ERC2: variants seen among roughly 807,000 people sequenced by gnomAD.
ERC2 encodes the protein ELKS/RAB6-interacting/CAST family member 2.
Under a neutral mutation model 114.8 loss-of-function variants are expected in ERC2, and 42 were observed. The observed-to-expected ratio is 0.37, with a 90% CI of 0.29 to 0.47. The LOEUF is 0.47. Among genes scored for constraint, ERC2 ranks in the 20% least tolerant of loss-of-function variants. The pLI, the probability that ERC2 is intolerant of heterozygous loss-of-function variation, is 0.99. For missense variants in ERC2, 939 were observed against 1,150.7 expected, an observed-to-expected ratio of 0.82 and a Z score of 2.66; for synonymous variants, 454 against 425.5, an observed-to-expected ratio of 1.07 and a Z score of -0.82.
At position 56,040,594 on chromosome 3, in the gene ERC2, T is replaced by G. The variant is rs1393083971; in HGVS notation, c.1642-21563A>C. On this transcript the variant is annotated intron_variant, in intron 7 of 17. Coordinates refer to ENST00000288221, the MANE Select transcript of ERC2 (RefSeq NM_015576.3). ...ATATATGTATACATATACATATATA[T>G]CTATATATGTATATATAATATATAG... is the stretch of plus-strand genomic sequence containing the variant. Among the ~76,000 whole-genome samples the G allele has an allele frequency of 4.5e-3, 12 of 2,676 alleles. No homozygotes were observed. The South Asian group carries it at 0.098, about 22-fold the overall frequency. The allele number at this position is 2,676 out of a possible 152,430, so 1.8% of individuals were successfully genotyped here.
chr3:56,325,268 C>T (rs1042477064), intron 2 of ERC2, among the ~76,000 whole-genome samples: 2 of 151,912 alleles, frequency 1.3e-5, no homozygotes, highest in Admixed American at 1.3e-4. Context: ...CTCAGTGAAA[C>T]CCCATCTCTA....
At chr3:55,867,511 A>G (rs1237663601) in intron 14 of ERC2, among the ~76,000 whole-genome samples, 2 of 152,236 alleles carry the variant, frequency 1.3e-5, no homozygotes, top group African/African-American at 4.8e-5. Context: ...TTATTTTACA[A>G]TGACTAGAGA....
intron 14 of ERC2, among the ~76,000 whole-genome samples, chr3:55,866,652 A>G (rs1413846157): frequency 6.6e-6 from 1 of 152,216 alleles, no homozygotes; most frequent in Non-Finnish European, 1.5e-5. Context: ...ATGATGTGAA[A>G]GAGCCCTGTA....
intron 2 of ERC2, among the ~76,000 whole-genome samples, chr3:56,345,851 G>A (rs1460266746): frequency 6.6e-6 from 1 of 152,228 alleles, no homozygotes; most frequent in Non-Finnish European, 1.5e-5. Flanking sequence ...GTCATGGAGT[G>A]TGCAGGGTTT....
At chr3:56,236,338 T>C (rs925177179) in intron 3 of ERC2, among the ~76,000 whole-genome samples, 1 of 152,152 alleles carries the variant, frequency 6.6e-6, no homozygotes, top group Non-Finnish European at 1.5e-5. Context: ...CAACTTTTTT[T>C]CCTCTCCACT....
intron 7 of ERC2, among the ~76,000 whole-genome samples, chr3:56,070,664 C>T (rs2076694332): frequency 6.6e-6 from 1 of 152,104 alleles, no homozygotes; most frequent in Non-Finnish European, 1.5e-5. Context: ...TTGCCACTTG[C>T]AAGTCACAAA....
At chr3:55,731,794 T>C (rs1173568558) in intron 15 of ERC2, among the ~76,000 whole-genome samples, 1 of 152,206 alleles carries the variant, frequency 6.6e-6, no homozygotes, top group Non-Finnish European at 1.5e-5. Flanking sequence ...TACCCATGCC[T>C]AGTACATGAT....
chr3:56,405,488 A>C (rs1248305504), intron 2 of ERC2, among the ~76,000 whole-genome samples: 1 of 152,150 alleles, frequency 6.6e-6, no homozygotes, highest in African/African-American at 2.4e-5. Flanking sequence ...GATCAAAGTC[A>C]ATGTTCACAC....
At chr3:56,337,381 G>C (rs1171840552) in intron 2 of ERC2, among the ~76,000 whole-genome samples, 9 of 152,092 alleles carry the variant, frequency 5.9e-5, no homozygotes, top group Non-Finnish European at 1.2e-4. Context: ...AAAGAGATTG[G>C]ACCCAGGCTT....
chr3:56,412,980 G>T (rs907621590), intron 2 of ERC2, among the ~76,000 whole-genome samples: 3 of 152,180 alleles, frequency 2.0e-5, no homozygotes, highest in African/African-American at 7.2e-5. Flanking sequence ...CTTATGTGGG[G>T]GTTGGACATC....
chr3:56,275,851 C>T (rs2053955568), intron 3 of ERC2, among the ~76,000 whole-genome samples: 1 of 152,190 alleles, frequency 6.6e-6, no homozygotes, highest in South Asian at 2.1e-4. Context: ...AGTAATGCTA[C>T]TAACATCTGA....
chr3:55,892,416 G>C (rs1229690988), intron 13 of ERC2, among the ~76,000 whole-genome samples: 3 of 152,298 alleles, frequency 2.0e-5, no homozygotes, highest in Non-Finnish European at 4.4e-5. Context: ...CAGCTACCCT[G>C]GGGGGCTGAG....
chr3:55,784,311 T>G (rs1449667873), intron 14 of ERC2, among the ~76,000 whole-genome samples: 1 of 152,246 alleles, frequency 6.6e-6, no homozygotes, highest in Middle Eastern at 3.4e-3. Context: ...TATAGGAGAT[T>G]TAATATTTAC....
At chr3:55,958,740 G>A (rs949299873) in intron 12 of ERC2, among the ~76,000 whole-genome samples, 6 of 152,256 alleles carry the variant, frequency 3.9e-5, no homozygotes, top group Admixed American at 6.5e-5. Context: ...CCAGGTTGCA[G>A]CAGCGCCCAG....
At chr3:56,144,630 G>A (rs749136477) in intron 5 of ERC2, among the ~76,000 whole-genome samples, 5 of 152,150 alleles carry the variant, frequency 3.3e-5, no homozygotes, top group Non-Finnish European at 5.9e-5. Flanking sequence ...TAGACAATAG[G>A]GTTTAGTCAG....
intron 8 of ERC2, among the ~76,000 whole-genome samples, chr3:56,011,558 T>G (rs2072938760): frequency 6.6e-6 from 1 of 152,100 alleles, no homozygotes; most frequent in East Asian, 1.9e-4. Context: ...TTTGTAGACT[T>G]GTTTTCCAAA....
intron 14 of ERC2, among the ~76,000 whole-genome samples, chr3:55,739,976 G>C (rs946810990): frequency 3.3e-5 from 5 of 152,084 alleles, no homozygotes; most frequent in African/African-American, 1.2e-4. Flanking sequence ...CCTGCATGTG[G>C]CTAGCCAGGC....
Position 56,094,410 on chromosome 3 carries a change from T to C in ERC2, c.1474-13426A>G, listed in dbSNP as rs535581281. ...TTCAGGGCTCAGAGACCTAGTGTAG[T>C]AGAGCTATGGCTTAAAGCCCCATCT... On this transcript the variant is annotated intron_variant, in intron 6 of 17. Transcript: ENST00000288221. 1.6e-4 allele frequency among the ~76,000 whole-genome samples: 25 copies of C among 152,272 alleles called. 1 individual carries two copies. In the South Asian group the frequency reaches 3.5e-3, roughly 21 times the overall value.
At chr3:56,371,244 G>C (rs73073903) in intron 2 of ERC2, among the ~76,000 whole-genome samples, 9,297 of 152,236 alleles carry the variant, frequency 0.061, 407 homozygotes, top group African/African-American at 0.11. Flanking sequence ...CCAGCAGCAA[G>C]AGCCAGGATT....
Sources: allele counts gnomAD v4.1 joint callset (sites outside exome capture counted in the v4.1 genomes callset), GRCh38; gene constraint gnomAD v4.1.1; transcripts MANE v1.5; gene names NCBI Gene and HGNC (gene_info 2026-07-23, HGNC 2026-07-21).